Variants in SYNPR observed in about 807,000 individuals in gnomAD.
The protein encoded by SYNPR is synaptoporin.
In SYNPR, 23 loss-of-function variants were observed where a neutral mutation model predicts 32.9. That is an observed-to-expected ratio of 0.70 (90% CI 0.50 to 0.99). The LOEUF is 0.99. Ranked by LOEUF, SYNPR falls within the 50% of genes least tolerant of loss-of-function variation. SYNPR has a pLI of 0.00. For synonymous variants in SYNPR, 146 were observed against 135.9 expected (o/e 1.07, Z -0.52); for missense variants, 318 against 349.3 (o/e 0.91, Z 0.71).
Position 63,607,311 on chromosome 3 carries a change from T to C in SYNPR, c.409-1814T>C, listed in dbSNP as rs184568127. 2.6e-5 allele frequency among the ~76,000 whole-genome samples: 4 copies of C among 152,342 alleles called. No individual in the cohort carries two copies. In the East Asian group the frequency reaches 7.7e-4, roughly 29 times the overall value. ...GAATAAAAGCATGAATGAATGAAGG[T>C]ACCAGATTGAACATGAACAGAAAGT... On this transcript the variant is annotated intron_variant, in intron 4 of 5. Coordinates refer to ENST00000478300, the MANE Select transcript of SYNPR (RefSeq NM_001130003.2).
At chr3:63,225,314 A>T (rs1360388923), upstream of SYNPR, among the ~76,000 whole-genome samples, 1 of 152,232 alleles carries the variant, frequency 6.6e-6, no homozygotes, top group Non-Finnish European at 1.5e-5. Flanking sequence ...CTGTGGAGCT[A>T]CCAGCTTCTG....
chr3:63,317,010 G>A (rs13433784), intron 2 of SYNPR, among the ~76,000 whole-genome samples: 2,196 of 151,982 alleles, frequency 0.014, 41 homozygotes, highest in African/African-American at 0.05. Context: ...TTCAGGAGCA[G>A]GTTATTTAAT....
chr3:63,280,221 A>T (rs2086615516), intron 2 of SYNPR, among the ~76,000 whole-genome samples: 1 of 152,164 alleles, frequency 6.6e-6, no homozygotes, highest in Admixed American at 6.5e-5. Context: ...TGGCAACATG[A>T]TTTTGTGCCA....
At chr3:63,310,606 G>T (rs745444025) in intron 2 of SYNPR, among the ~76,000 whole-genome samples, 2 of 151,954 alleles carry the variant, frequency 1.3e-5, no homozygotes, top group Non-Finnish European at 2.9e-5. Flanking sequence ...CAGATCCAAG[G>T]CCAGTGGGAA....
intron 1 of SYNPR, among the ~76,000 whole-genome samples, chr3:63,239,497 A>G (rs61696338): frequency 0.062 from 2,737 of 44,186 alleles, 1 homozygote; most frequent in Non-Finnish European, 0.077. Flanking sequence ...TGACAATGGT[A>G]GAATGGGTAA....
Position 63,466,057 on chromosome 3 carries a change from C to T in SYNPR, c.85-14775C>T, listed in dbSNP as rs115187377. Among the ~76,000 whole-genome samples the T allele has an allele frequency of 6.8e-3, 1,031 of 152,306 alleles. 8 individuals carry two copies. Among genetic ancestry groups the T allele is most frequent in the Middle Eastern group, 0.017 (5 of 294 alleles). On this transcript the variant is annotated intron_variant, in intron 2 of 5. Transcript: ENST00000478300. Reference sequence around the variant, plus strand: ...TACTTTTCCTGATCCTCTCTCTCCTCCTACTCTCTACTCTCTGAAAGGACC... The same window carrying T: ...TACTTTTCCTGATCCTCTCTCTCCTTCTACTCTCTACTCTCTGAAAGGACC...
intron 2 of SYNPR, among the ~76,000 whole-genome samples, chr3:63,394,425 T>C (rs1192476727): frequency 6.6e-6 from 1 of 152,208 alleles, no homozygotes; most frequent in African/African-American, 2.4e-5. Flanking sequence ...ACAGCTCCGC[T>C]CACAATGGGG....
chr3:63,278,155 A>G (rs1314026132), upstream of SYNPR: 2 of 175,588 alleles, frequency 1.1e-5, no homozygotes, highest in Non-Finnish European at 2.4e-5. Context: ...CACCGGGCGC[A>G]CGGCTGAGCC....
chr3:63,519,155 C>T (rs975586286), intron 3 of SYNPR, among the ~76,000 whole-genome samples: 12 of 152,076 alleles, frequency 7.9e-5, no homozygotes, highest in African/African-American at 2.4e-4. Flanking sequence ...CTGCTGGATT[C>T]GGCCTGCTAG....
At chr3:63,441,877 C>T (rs968215243) in intron 2 of SYNPR, among the ~76,000 whole-genome samples, 3 of 152,238 alleles carry the variant, frequency 2.0e-5, no homozygotes, top group Middle Eastern at 3.4e-3. Context: ...GAAAGCACTG[C>T]CTTGCCCGTT....
At chr3:63,455,668 A>G (rs757706832) in intron 2 of SYNPR, among the ~76,000 whole-genome samples, 1 of 152,040 alleles carries the variant, frequency 6.6e-6, no homozygotes, top group Non-Finnish European at 1.5e-5. Flanking sequence ...TTAGTTGACA[A>G]GTATGGTTGA....
intron 2 of SYNPR, among the ~76,000 whole-genome samples, chr3:63,470,201 G>T (rs1034046517): frequency 1.3e-5 from 2 of 152,044 alleles, no homozygotes; most frequent in African/African-American, 4.8e-5. Context: ...TGTATATGTA[G>T]AAATATTTTC....
chr3:63,384,411 G>T (rs1479438432), intron 2 of SYNPR, among the ~76,000 whole-genome samples: 1 of 152,100 alleles, frequency 6.6e-6, no homozygotes, highest in Non-Finnish European at 1.5e-5. Context: ...CAATTTGTCA[G>T]CTCTCTCCCT....
At chr3:63,228,077 C>A (rs61476681), upstream of SYNPR, among the ~76,000 whole-genome samples, 35,885 of 152,074 alleles carry the variant, frequency 0.24, 4,978 homozygotes, top group African/African-American at 0.37. Context: ...TCTATTCAGG[C>A]AGCTGGAAGC....
chr3:63,452,208 C>T (rs887105370), intron 2 of SYNPR: 4 of 604,536 alleles, frequency 6.6e-6, no homozygotes, highest in Admixed American at 2.4e-5. Flanking sequence ...CACTGGGTGC[C>T]GGGTTAAGAT....
intron 2 of SYNPR, among the ~76,000 whole-genome samples, chr3:63,385,634 C>T (rs2088029379): frequency 2.0e-5 from 3 of 152,200 alleles, no homozygotes; most frequent in African/African-American, 7.2e-5. Context: ...ACATTAATAG[C>T]ACCTCTAGCT....
chr3:63,507,878 A>G (rs970766945), intron 3 of SYNPR, among the ~76,000 whole-genome samples: 20 of 152,128 alleles, frequency 1.3e-4, no homozygotes, highest in African/African-American at 4.3e-4. Context: ...ATAGAAACAT[A>G]GTACAAGCCA....
At chr3:63,452,880 T>C (rs1575651965) in intron 2 of SYNPR, among the ~76,000 whole-genome samples, 1 of 152,146 alleles carries the variant, frequency 6.6e-6, no homozygotes, top group Non-Finnish European at 1.5e-5. Context: ...AAAAAATGGA[T>C]CTTTTTATGT....
the SYNPR span, among the ~76,000 whole-genome samples, chr3:63,209,388 T>C: frequency 1.3e-5 from 2 of 151,510 alleles, no homozygotes; most frequent in Non-Finnish European, 2.9e-5. Context: ...AGTCCTTATA[T>C]CCCAGAATCA....
Sources: allele counts gnomAD v4.1 joint callset (sites outside exome capture counted in the v4.1 genomes callset), GRCh38; gene constraint gnomAD v4.1.1; transcripts MANE v1.5; gene names NCBI Gene and HGNC (gene_info 2026-07-23, HGNC 2026-07-21).